Variants in DAP observed in about 807,000 individuals in gnomAD.
DAP encodes the protein death-associated protein 1.
In DAP, 8 loss-of-function variants were observed where a neutral mutation model predicts 13.8. That is an observed-to-expected ratio of 0.58 (90% CI 0.34 to 1.05). The LOEUF is 1.05. Ranked by LOEUF, DAP falls within the 50% of genes least tolerant of loss-of-function variation. DAP has a pLI of 0.03. For synonymous variants in DAP, 47 were observed against 47.5 expected, an observed-to-expected ratio of 0.99 and a Z score of 0.04; for missense variants, 106 against 133.2, an observed-to-expected ratio of 0.80 and a Z score of 1.01.
intron 2 of DAP, among the ~76,000 whole-genome samples, chr5:10,733,154 G>C (rs908902650): frequency 8.0e-6 from 1 of 124,664 alleles, no homozygotes; most frequent in Non-Finnish European, 1.6e-5. Context: ...TAATATTCCT[G>C]CGTGTGTGTG....
intron 2 of DAP, among the ~76,000 whole-genome samples, chr5:10,727,469 G>A (rs1421364707): frequency 6.6e-6 from 1 of 152,212 alleles, no homozygotes; most frequent in East Asian, 1.9e-4. Context: ...AGCCCTGACA[G>A]TCGGCCGTGA....
chr5:10,742,107 GT>G (rs1373750807), intron 2 of DAP, among the ~76,000 whole-genome samples: 2 of 151,882 alleles, frequency 1.3e-5, no homozygotes, highest in African/African-American at 4.8e-5. Context: ...TGATATTCTA[GT>G]TACCTCCTTT....
At chr5:10,743,493 T>C (rs902853568) in intron 2 of DAP, among the ~76,000 whole-genome samples, 10 of 152,178 alleles carry the variant, frequency 6.6e-5, no homozygotes, top group African/African-American at 1.4e-4. Context: ...CCCTTTTCCA[T>C]CCACCACTTG....
At chr5:10,698,974 C>T (rs755546258) in intron 2 of DAP, among the ~76,000 whole-genome samples, 63 of 152,302 alleles carry the variant, frequency 4.1e-4, no homozygotes, top group Non-Finnish European at 4.9e-4. Context: ...TTGGCTGATA[C>T]GGCTGAGTAC....
intron 2 of DAP, among the ~76,000 whole-genome samples, chr5:10,735,052 CG>C (rs1381908366): frequency 6.6e-6 from 1 of 152,122 alleles, no homozygotes; most frequent in African/African-American, 2.4e-5. Flanking sequence ...ATCTGGTTAA[CG>C]GGGTAATGAG....
At chr5:10,747,291 T>C (rs1202236263) in intron 2 of DAP, among the ~76,000 whole-genome samples, 2 of 152,200 alleles carry the variant, frequency 1.3e-5, no homozygotes, top group African/African-American at 4.8e-5. Context: ...TCGAGAGAAA[T>C]GGATTCCTTT....
At chr5:10,734,617 T>A (rs1739557415) in intron 2 of DAP, among the ~76,000 whole-genome samples, 1 of 152,154 alleles carries the variant, frequency 6.6e-6, no homozygotes, top group Non-Finnish European at 1.5e-5. Context: ...TACCCTGTGT[T>A]CCTAGGGCGA....
At chr5:10,706,902 C>CATGAACA (rs1373360833) in intron 2 of DAP, among the ~76,000 whole-genome samples, 2 of 152,202 alleles carry the variant, frequency 1.3e-5, no homozygotes, top group African/African-American at 4.8e-5. Context: ...GGTCCATCTT[C>CATGAACA]ATGAACAACA....
chr5:10,688,990 G>A (rs1174614912), intron 2 of DAP, among the ~76,000 whole-genome samples: 1 of 152,160 alleles, frequency 6.6e-6, no homozygotes, highest in Non-Finnish European at 1.5e-5. Context: ...ACGGGAGTCT[G>A]GAGCCCAGGG....
chr5:10,750,635 T>C (rs1193932027), intron 1 of DAP, among the ~76,000 whole-genome samples: 1 of 152,234 alleles, frequency 6.6e-6, no homozygotes, highest in East Asian at 1.9e-4. Context: ...CACCAGGTAT[T>C]TGATGGGGTC....
intron 2 of DAP, among the ~76,000 whole-genome samples, chr5:10,742,955 A>ATCCATCCATCCG (rs1739798091): frequency 1.3e-5 from 2 of 152,118 alleles, no homozygotes; most frequent in Admixed American, 1.3e-4. Context: ...CCATCCATCT[A>ATCCATCCATCCG]TCCATTCAGA....
At chr5:10,711,064 A>G (rs1488550748) in intron 2 of DAP, among the ~76,000 whole-genome samples, 1 of 152,256 alleles carries the variant, frequency 6.6e-6, no homozygotes, top group Non-Finnish European at 1.5e-5. Flanking sequence ...AACATCAGTG[A>G]ATCTAAGACT....
intron 2 of DAP, among the ~76,000 whole-genome samples, chr5:10,709,317 TA>T (rs1738781421): frequency 6.6e-6 from 1 of 152,200 alleles, no homozygotes; most frequent in Admixed American, 6.5e-5. Context: ...AGAAGATGAA[TA>T]AAAGTCCGAC....
At chr5:10,741,980 C>T (rs2964786) in intron 2 of DAP, among the ~76,000 whole-genome samples, 49,652 of 152,048 alleles carry the variant, frequency 0.33, 9,030 homozygotes, top group African/African-American at 0.5. Context: ...TTTGAGACTA[C>T]GCAAATATCC....
rs142769083 is a variant in DAP, at chr5:10,689,995, G to A, written c.153-6424C>T. On this transcript the variant is annotated intron_variant, in intron 2 of 3. Transcript: ENST00000230895. Reference sequence around the variant, plus strand: ...ACATGAAGGCCTGAGACTTCATCCTGCACTGCTGTGCTCCAGCGCCCCCAT... The same window carrying A: ...ACATGAAGGCCTGAGACTTCATCCTACACTGCTGTGCTCCAGCGCCCCCAT... Among the ~76,000 whole-genome samples the A allele has an allele frequency of 5.0e-3, 756 of 152,296 alleles. 6 individuals carry two copies. The highest frequency in any genetic ancestry group is 0.017 in the African/African-American group (713 of 41,550).
chr5:10,683,806 C>T (rs967200261), intron 2 of DAP, among the ~76,000 whole-genome samples: 9 of 152,244 alleles, frequency 5.9e-5, no homozygotes, highest in South Asian at 4.2e-4. Flanking sequence ...CAGCCAACTG[C>T]GAGTGAATTG....
In DAP at chr5:10,761,004, G is replaced by C. The variant is rs768425295; in HGVS notation, c.55+10C>G. 2 of 1,233,690 alleles carry C rather than the reference G, an allele frequency of 1.6e-6. No individual in the cohort carries two copies. Among genetic ancestry groups the C allele is most frequent in the South Asian group, 6.5e-5 (2 of 30,692 alleles). The allele number at this position is 1,233,690 out of a possible 1,614,324, so 76.4% of individuals were successfully genotyped here. On this transcript the variant is annotated intron_variant, in intron 1 of 3. Transcript: ENST00000230895. ...ACCCGCGCGTGGAGAGAGAGGAAAA[G>C]AGTCAGTACCGGCGGGCGGGTGTCC...
chr5:10,745,303 C>A (rs1461897755), intron 2 of DAP, among the ~76,000 whole-genome samples: 1 of 152,146 alleles, frequency 6.6e-6, no homozygotes, highest in African/African-American at 2.4e-5. Context: ...AGTTGTTTAA[C>A]CCACAGCAGT....
At chr5:10,742,689 C>T (rs1739790854) in intron 2 of DAP, among the ~76,000 whole-genome samples, 1 of 152,120 alleles carries the variant, frequency 6.6e-6, no homozygotes, top group South Asian at 2.1e-4. Context: ...ATTCCAGGCT[C>T]ATCTAGTATT....
Sources: allele counts gnomAD v4.1 joint callset (sites outside exome capture counted in the v4.1 genomes callset), GRCh38; gene constraint gnomAD v4.1.1; transcripts MANE v1.5; gene names NCBI Gene and HGNC (gene_info 2026-07-23, HGNC 2026-07-21).